PALS2: variants seen among roughly 807,000 people sequenced by gnomAD.
PALS2 encodes protein associated with LIN7 2, MAGUK p55 family member.
Under a neutral mutation model 61.6 loss-of-function variants are expected in PALS2, and 27 were observed. The ratio of observed to expected loss-of-function variants is 0.44; its 90% confidence interval spans 0.32 to 0.60. The LOEUF (loss-of-function observed/expected upper bound fraction) is 0.60. Among genes scored for constraint, PALS2 ranks in the 20% least tolerant of loss-of-function variants. The probability of loss-of-function intolerance (pLI) is 0.05; values close to 1 mark genes in which losing one functional copy is unlikely to be tolerated. For synonymous variants in PALS2, 236 were observed against 218.6 expected, an observed-to-expected ratio of 1.08 and a Z score of -0.70; for missense variants, 554 against 639.4, an observed-to-expected ratio of 0.87 and a Z score of 1.44.
intron 9 of PALS2, among the ~76,000 whole-genome samples, chr7:24,674,125 A>C (rs1787443053): frequency 6.6e-6 from 1 of 152,174 alleles, no homozygotes; most frequent in Admixed American, 6.5e-5. Context: ...TAAAATAATA[A>C]ACTGGCTTCT....
rs564239934 is a variant in PALS2, at chr7:24,621,606, G to A, written c.-2-2060G>A. Among the ~76,000 whole-genome samples the A allele has an allele frequency of 4.2e-3, 638 of 152,036 alleles. 4 individuals are homozygous for A. The highest frequency in any genetic ancestry group is 0.014 in the African/African-American group (593 of 41,516). On this transcript the variant is annotated intron_variant, in intron 1 of 11. Coordinates refer to ENST00000222644, the MANE Select transcript of PALS2 (RefSeq NM_001303037.2). ...ATTATCCAGAAAGAAGAGAAACTAC[G>A]AACAGATCTGATTAGAAGAAACAAT...
chr7:24,677,860 G>A (rs544993173), intron 9 of PALS2, among the ~76,000 whole-genome samples: 2 of 152,128 alleles, frequency 1.3e-5, no homozygotes, highest in African/African-American at 4.8e-5. Flanking sequence ...GGGAAAACAG[G>A]AGTCCTATTA....
intron 2 of PALS2, among the ~76,000 whole-genome samples, chr7:24,628,739 T>G (rs1236674900): frequency 6.6e-6 from 1 of 152,112 alleles, no homozygotes; most frequent in Admixed American, 6.5e-5. Flanking sequence ...AAACTTCCAT[T>G]CACAATTGCT....
At chr7:24,617,635 G>A (rs573960171) in intron 1 of PALS2, among the ~76,000 whole-genome samples, 6 of 152,192 alleles carry the variant, frequency 3.9e-5, no homozygotes, top group Admixed American at 3.9e-4. Flanking sequence ...ATCAATTTTA[G>A]TGATGTTTGT....
chr7:24,600,948 T>G (rs895669804), intron 1 of PALS2, among the ~76,000 whole-genome samples: 1 of 152,156 alleles, frequency 6.6e-6, no homozygotes, highest in African/African-American at 2.4e-5. Flanking sequence ...GGTTTTTATT[T>G]TTTATTAAAA....
intron 9 of PALS2, among the ~76,000 whole-genome samples, chr7:24,678,476 C>T (rs986223308): frequency 2.0e-5 from 3 of 152,018 alleles, no homozygotes; most frequent in African/African-American, 7.2e-5. Context: ...AAGCTAAAAG[C>T]GTTGGTTTTG....
At chr7:24,611,914 G>C (rs549109480) in intron 1 of PALS2, among the ~76,000 whole-genome samples, 2 of 151,986 alleles carry the variant, frequency 1.3e-5, no homozygotes, top group East Asian at 1.9e-4. Context: ...GTTATATGTA[G>C]ATACCAGGCT....
At chr7:24,607,155 G>C (rs2711130) in intron 1 of PALS2, among the ~76,000 whole-genome samples, 65,722 of 151,960 alleles carry the variant, frequency 0.43, 17,210 homozygotes, top group East Asian at 0.72. Context: ...GAAGATAGAT[G>C]TGTGGTTAGA....
chr7:24,655,625 A>G (rs1413258039), intron 5 of PALS2, among the ~76,000 whole-genome samples: 1 of 141,848 alleles, frequency 7.0e-6, no homozygotes, highest in Non-Finnish European at 1.5e-5. Context: ...GTTAGTAGTT[A>G]GTAGATTTTT....
At position 24,573,455 on chromosome 7, in the gene PALS2, T is replaced by C; in HGVS notation, c.-141T>C. The C allele has an allele frequency of 2.7e-6, 1 of 374,114 alleles. No individual in the cohort carries two copies. The highest frequency in any genetic ancestry group is 4.7e-6 in the Non-Finnish European group (1 of 211,206). 23.2% of individuals were successfully genotyped at this position (374,114 alleles called of 1,614,324 possible). ...GAGGCGGAGGGCAGTGAGAGACGCA[T>C]TTCCAGTTCTCAACTACGAGCCACG... On this transcript the variant is annotated 5_prime_UTR_variant, in exon 1 of 12. Transcript: ENST00000222644. The surrounding 1 kb of genome is among the most constrained non-coding windows in gnomAD (Gnocchi z 5.3).
intron 1 of PALS2, among the ~76,000 whole-genome samples, chr7:24,608,158 C>G (rs1243826518): frequency 6.6e-6 from 1 of 152,048 alleles, no homozygotes; most frequent in Non-Finnish European, 1.5e-5. Context: ...ACTTTGGAGT[C>G]TACTCCATTA....
rs1375028678 is a variant in PALS2 at position 24,618,721 on chromosome 7, CTG to C, written c.-2-4944_-2-4943del. Among the ~76,000 whole-genome samples, 1 of 152,246 alleles carries C rather than the reference CTG, an allele frequency of 6.6e-6. No individual in the cohort carries two copies. The highest frequency in any genetic ancestry group is 2.4e-5 in the African/African-American group (1 of 41,462). On this transcript the variant is annotated intron_variant, in intron 1 of 11. Transcript: ENST00000222644. The surrounding 1 kb of genome is among the most constrained non-coding windows in gnomAD (Gnocchi z 5.1). ...CCACAAGGAGAAGTCCCTTCTGACT[CTG>C]GGCCATTCCAGGCTCGGAGGATGGG...
In PALS2 at chr7:24,691,405, GTATATATATATATATATATA is replaced by G. The variant is rs70942878; in HGVS notation, c.*3812_*3831del. 2.8e-4 allele frequency: 31 copies of G among 110,598 alleles called. No homozygotes were observed. In the East Asian group the frequency reaches 3.4e-3, roughly 12 times the overall value. The allele number at this position is 110,598 out of a possible 1,614,324, so 6.9% of individuals were successfully genotyped here. A position where few individuals can be genotyped will look rare whatever the true frequency, so the allele number is the denominator to read the frequency against. Reference sequence around the variant, plus strand: ...ATATTATGTATGTGTGTGTGTGTGTGTATATATATATATATATATATATATATATATATATATATACAGCT... The same window carrying G: ...ATATTATGTATGTGTGTGTGTGTGTGTATATATATATATATATATACAGCT... On this transcript the variant is annotated 3_prime_UTR_variant, in exon 12 of 12. Coordinates refer to ENST00000222644, the MANE Select transcript of PALS2 (RefSeq NM_001303037.2).
chr7:24,591,603 G>A (rs1252477042), intron 1 of PALS2, among the ~76,000 whole-genome samples: 2 of 152,048 alleles, frequency 1.3e-5, no homozygotes, highest in African/African-American at 2.4e-5. Context: ...AATTAAAATA[G>A]TTCTCATTAT....
At chr7:24,588,905 C>T (rs1783175450) in intron 1 of PALS2, among the ~76,000 whole-genome samples, 1 of 152,086 alleles carries the variant, frequency 6.6e-6, no homozygotes, top group African/African-American at 2.4e-5. Context: ...TTTATTTTGT[C>T]CTTATCCCAC....
At chr7:24,600,874 T>A (rs1348193494) in intron 1 of PALS2, among the ~76,000 whole-genome samples, 1 of 152,144 alleles carries the variant, frequency 6.6e-6, no homozygotes, top group African/African-American at 2.4e-5. Flanking sequence ...GTGGTTATAA[T>A]TATTTGATTT....
chr7:24,616,704 T>C (rs535987769), intron 1 of PALS2, among the ~76,000 whole-genome samples: 2 of 152,308 alleles, frequency 1.3e-5, no homozygotes, highest in East Asian at 3.9e-4. Context: ...TGTCATTTTG[T>C]TGTTTTATTT....
rs1044572913 is a variant in PALS2 at position 24,690,830 on chromosome 7, G to T, written c.*3216G>T. 13 of 152,108 alleles carry T rather than the reference G, an allele frequency of 8.5e-5. No homozygotes were observed. Among genetic ancestry groups the T allele is most frequent in the African/African-American group, 2.9e-4 (12 of 41,410 alleles). The allele number at this position is 152,108 out of a possible 1,614,324, so 9.4% of individuals were successfully genotyped here. The stretch of plus-strand genomic sequence containing the variant: ...AAATAGAAATTATAAGAGAAACCCA[G>T]TATGCCTACAGCATTAGTAGCCTAA... On this transcript the variant is annotated 3_prime_UTR_variant, in exon 12 of 12. Coordinates refer to ENST00000222644, the MANE Select transcript of PALS2 (RefSeq NM_001303037.2).
Position 24,665,663 on chromosome 7 carries a change from G to C in PALS2, c.859G>C (p.Val287Leu). Reference protein sequence around the residue: ...QFLEEKRKAFVRRDWDNSGPF... With the variant: ...QFLEEKRKAFLRRDWDNSGPF... The stretch of plus-strand genomic sequence containing the variant: ...CCTGGAAGAGAAGAGAAAGGCATTT[G>C]TTAGAAGAGACTGGGACAATTCAGG... Residue 287 changes from valine to leucine, a missense_variant, in exon 7 of 12, where the codon GTT becomes CTT. Val to Leu is a conservative substitution (Grantham distance 32). Coordinates refer to ENST00000222644, the MANE Select transcript of PALS2 (RefSeq NM_001303037.2). 2 of 1,613,770 alleles carry C rather than the reference G, an allele frequency of 1.2e-6. No homozygotes were observed. The highest frequency in any genetic ancestry group is 8.5e-7 in the Non-Finnish European group (1 of 1,179,710).
Sources: allele counts gnomAD v4.1 joint callset (sites outside exome capture counted in the v4.1 genomes callset), GRCh38; gene constraint gnomAD v4.1.1; non-coding constraint Gnocchi (gnomAD v3.1); transcripts MANE v1.5; gene names NCBI Gene and HGNC (gene_info 2026-07-23, HGNC 2026-07-21).